The following MAN1A2 variants were observed in gnomAD, a reference collection of about 807,000 sequenced individuals.
MAN1A2 encodes mannosidase alpha class 1A member 2, also known as mannosyl-oligosaccharide 1,2-alpha-mannosidase IB.
Under a neutral mutation model 75.7 loss-of-function variants are expected in MAN1A2, and 26 were observed. The ratio of observed to expected loss-of-function variants is 0.34; its 90% CI spans 0.25 to 0.48. The LOEUF (loss-of-function observed/expected upper bound fraction) is 0.48. Ranked by LOEUF, MAN1A2 falls within the 20% of genes least tolerant of loss-of-function variation. MAN1A2 has a pLI of 0.99. For synonymous variants in MAN1A2, 247 were observed against 264.6 expected (o/e 0.93, Z 0.65); for missense variants, 562 against 775.5 (o/e 0.72, Z 3.27).
rs139011649 is a variant in MAN1A2 at position 117,498,217 on chromosome 1, A to G, written c.1505-1165A>G. 7.0e-3 allele frequency among the ~76,000 whole-genome samples: 1,058 copies of G among 151,986 alleles called. 8 individuals are homozygous for G. Among genetic ancestry groups the G allele is most frequent in the African/African-American group, 0.023 (960 of 41,538 alleles). On this transcript the variant is annotated intron_variant, in intron 10 of 12. Transcript: ENST00000356554. ...ATTATCGTGTTGATACAGAATGCCAATTATGCCTTAAAATATAGCTAAAAT... is the reference window on the plus strand; with the variant it reads ...ATTATCGTGTTGATACAGAATGCCAGTTATGCCTTAAAATATAGCTAAAAT...
intron 4 of MAN1A2, among the ~76,000 whole-genome samples, chr1:117,417,557 A>ATATATATATATATATATATATATATGTG (rs1214425551): frequency 9.9e-5 from 14 of 140,726 alleles, no homozygotes; most frequent in African/African-American, 3.4e-4. Context: ...ATATATATAT[A>ATATATATATATATATATATATATATGTG]TGTGATATAT....
chr1:117,429,785 G>A (rs563608073), intron 5 of MAN1A2, among the ~76,000 whole-genome samples: 10 of 104,692 alleles, frequency 9.6e-5, no homozygotes, highest in South Asian at 3.5e-4. Flanking sequence ...CCTCCCGGAC[G>A]GGGCGGCTGG....
chr1:117,503,454 C>G (rs10801961), intron 12 of MAN1A2, among the ~76,000 whole-genome samples: 18,746 of 151,306 alleles, frequency 0.12, 1,218 homozygotes, highest in Non-Finnish European at 0.14. Flanking sequence ...ACCCGATGAG[C>G]CTTACTGTAA....
chr1:117,496,696 A>G, intron 9 of MAN1A2, 67 bp from the exon 10 acceptor site: 1 of 1,142,692 alleles, frequency 8.8e-7, no homozygotes, highest in Non-Finnish European at 1.3e-6. Context: ...AATGGCCAGA[A>G]GGATATAGTA....
At chr1:117,492,797 A>G (rs114039041) in intron 8 of MAN1A2, among the ~76,000 whole-genome samples, 1,713 of 152,218 alleles carry the variant, frequency 0.011, 15 homozygotes, top group Middle Eastern at 0.034. Context: ...ATATTTAGAC[A>G]TAACTTATTT....
At chr1:117,401,112 C>G (rs1325535131) in intron 1 of MAN1A2, among the ~76,000 whole-genome samples, 1 of 150,926 alleles carries the variant, frequency 6.6e-6, no homozygotes, top group Non-Finnish European at 1.5e-5. Context: ...TGGAATCATA[C>G]AGTATTTGTC....
At chr1:117,482,267 G>C (rs1326997716) in intron 8 of MAN1A2, among the ~76,000 whole-genome samples, 1 of 151,946 alleles carries the variant, frequency 6.6e-6, no homozygotes, top group Non-Finnish European at 1.5e-5. Flanking sequence ...GGTAATTCTA[G>C]TTCTAGATCA....
chr1:117,494,345 T>C (rs1381915763), intron 9 of MAN1A2: 1 of 152,108 alleles, frequency 6.6e-6, no homozygotes, highest in Non-Finnish European at 1.5e-5. Flanking sequence ...AGCAGGTTAT[T>C]AGCTTCCTGC....
chr1:117,383,749 ATTTT>A (rs879757603), intron 1 of MAN1A2, among the ~76,000 whole-genome samples: 16 of 147,800 alleles, frequency 1.1e-4, no homozygotes, highest in African/African-American at 2.7e-4. Context: ...TTCTTTAAAA[ATTTT>A]TTTTTTTTTT....
chr1:117,466,387 T>C lies in MAN1A2; in HGVS notation c.1128T>C (p.Tyr376=). ...LQKMDRPNGL[Y]PNYLNPRTGR... is the part of the protein sequence containing the mutation. ...AAATGGATCGTCCAAATGGTCTTTA[T>C]CCAAATTATTTGAACCCCAGAACAG... The change falls in exon 8 of 13, where the codon TAT becomes TAC. Residue 376 remains tyrosine, a synonymous_variant. Transcript: ENST00000356554. The C allele has an allele frequency of 6.2e-7, 1 of 1,612,204 alleles. No homozygotes were observed. The highest frequency in any genetic ancestry group is 8.5e-7 in the Non-Finnish European group (1 of 1,178,954).
intron 12 of MAN1A2, among the ~76,000 whole-genome samples, chr1:117,504,117 T>G (rs1651280495): frequency 6.6e-6 from 1 of 151,504 alleles, no homozygotes; most frequent in Non-Finnish European, 1.5e-5. Context: ...ATGTTTCTTA[T>G]TCTGACTTAT....
intron 12 of MAN1A2, among the ~76,000 whole-genome samples, chr1:117,510,619 T>G (rs1351850109): frequency 6.6e-6 from 1 of 152,098 alleles, no homozygotes; most frequent in Admixed American, 6.6e-5. Flanking sequence ...TTGTTCTTTA[T>G]CAAGATGTGA....
intron 5 of MAN1A2, among the ~76,000 whole-genome samples, chr1:117,438,014 G>T (rs1017578973): frequency 6.6e-6 from 1 of 152,162 alleles, no homozygotes; most frequent in African/African-American, 2.4e-5. Flanking sequence ...ATGGCTTATG[G>T]TTTACTGTGG....
chr1:117,429,525 CGGGGGGCCG>C (rs1648513818), intron 5 of MAN1A2, among the ~76,000 whole-genome samples: 10 of 33,320 alleles, frequency 3.0e-4, no homozygotes, highest in Non-Finnish European at 5.4e-4. Flanking sequence ...GCTGGCCGGG[CGGGGGGCCG>C]ACCCCCCCAC....
At chr1:117,517,103 G>A (rs1004148012) in intron 12 of MAN1A2, among the ~76,000 whole-genome samples, 1 of 152,094 alleles carries the variant, frequency 6.6e-6, no homozygotes, top group Non-Finnish European at 1.5e-5. Flanking sequence ...CCTCAATAGT[G>A]GGGAATAACC....
At chr1:117,418,985 T>A (rs2101777933) in intron 4 of MAN1A2, among the ~76,000 whole-genome samples, 1 of 152,166 alleles carries the variant, frequency 6.6e-6, no homozygotes, top group East Asian at 1.9e-4. Flanking sequence ...ATTTGTTCAG[T>A]TATGTGAAAG....
chr1:117,404,862 G>C (rs1246130804), intron 2 of MAN1A2, among the ~76,000 whole-genome samples: 1 of 152,022 alleles, frequency 6.6e-6, no homozygotes, highest in African/African-American at 2.4e-5. Context: ...AGACCATTCT[G>C]GCTGACACGG....
chr1:117,458,643 C>T (rs2101833257), intron 6 of MAN1A2, among the ~76,000 whole-genome samples: 1 of 151,016 alleles, frequency 6.6e-6, no homozygotes, highest in Admixed American at 6.6e-5. Flanking sequence ...CCTGCCTCAG[C>T]CTCCTGAGTA....
intron 8 of MAN1A2, among the ~76,000 whole-genome samples, chr1:117,482,132 T>A (rs1650517666): frequency 6.6e-6 from 1 of 151,958 alleles, no homozygotes; most frequent in African/African-American, 2.4e-5. Context: ...TACATAGGTA[T>A]ACATGTGACA....
Sources: gnomAD v4.1 joint callset for allele counts (sites outside exome capture counted in the v4.1 genomes callset) on GRCh38, gnomAD v4.1.1 for gene constraint, MANE v1.5 for transcripts, NCBI Gene and HGNC (gene_info 2026-07-23, HGNC 2026-07-21) for gene names.